ADGRV1: variants seen among roughly 807,000 people sequenced by gnomAD.
ADGRV1 encodes adhesion G protein-coupled receptor V1, also known as G-protein coupled receptor 98.
A neutral mutation model predicts 596.2 loss-of-function variants in ADGRV1; 359 were observed. That is an observed-to-expected ratio of 0.60 (90% CI 0.55 to 0.66). The LOEUF is 0.66. Among genes scored for constraint, ADGRV1 ranks in the 30% least tolerant of loss-of-function variants. The probability of loss-of-function intolerance (pLI) is 0.00; values close to 1 mark genes in which losing one functional copy is unlikely to be tolerated. For synonymous variants in ADGRV1, 2,681 were observed against 2,679.2 expected, an observed-to-expected ratio of 1.00 and a Z score of -0.02; for missense variants, 7,274 against 7,575.6, an observed-to-expected ratio of 0.96 and a Z score of 1.48.
chr5:91,139,002 C>T (rs1372390224), intron 87 of ADGRV1, among the ~76,000 whole-genome samples: 2 of 152,116 alleles, frequency 1.3e-5, no homozygotes, highest in Non-Finnish European at 2.9e-5. Flanking sequence ...AACTCCTGAC[C>T]TCAAGTGATC....
At position 90,851,150 on chromosome 5, in the gene ADGRV1, A is replaced by T. The variant is rs112709724; in HGVS notation, c.17205-2134A>T. ...GTGTGTGTGTGAGAGAGAGAGAGAG[A>T]GAGAGAGAGAGAGAGAGAATGAATC... On this transcript the variant is annotated intron_variant, in intron 79 of 89. Transcript: ENST00000405460. Among the ~76,000 whole-genome samples the T allele has an allele frequency of 7.6e-3, 947 of 125,408 alleles. 17 individuals carry two copies. The highest frequency in any genetic ancestry group is 0.024 in the African/African-American group (884 of 36,180). 82.3% of individuals were successfully genotyped at this position (125,408 alleles called of 152,430 possible).
At chr5:90,669,854 C>G (rs1174928696) in intron 21 of ADGRV1, among the ~76,000 whole-genome samples, 1 of 152,074 alleles carries the variant, frequency 6.6e-6, no homozygotes, top group Non-Finnish European at 1.5e-5. Flanking sequence ...CAAATTGTTC[C>G]CCAATATATT....
intron 86 of ADGRV1, among the ~76,000 whole-genome samples, chr5:91,080,980 G>T (rs1789310311): frequency 6.6e-6 from 1 of 151,840 alleles, no homozygotes; most frequent in African/African-American, 2.4e-5. Flanking sequence ...TCATGATTTT[G>T]CCTGGTGTAT....
At chr5:90,744,560 G>T (rs138600140) in intron 50 of ADGRV1, among the ~76,000 whole-genome samples, 9 of 152,200 alleles carry the variant, frequency 5.9e-5, no homozygotes, top group Non-Finnish European at 1.0e-4. Context: ...TGAAAACTGT[G>T]TAGAAACAGA....
At chr5:90,682,559 CTCAGCTTCCA>C (rs1219912061) in intron 27 of ADGRV1, among the ~76,000 whole-genome samples, 2 of 152,206 alleles carry the variant, frequency 1.3e-5, no homozygotes, top group Non-Finnish European at 2.9e-5. Flanking sequence ...TAGCTGCTTG[CTCAGCTTCCA>C]TACGAATAAT....
intron 54 of ADGRV1, among the ~76,000 whole-genome samples, chr5:90,754,203 A>T (rs1178645795): frequency 2.0e-5 from 3 of 152,060 alleles, no homozygotes; most frequent in African/African-American, 7.3e-5. Context: ...CAACACAATG[A>T]AATGTGTACA....
chr5:90,750,192 T>C (rs1371938298), intron 52 of ADGRV1, among the ~76,000 whole-genome samples: 2 of 152,210 alleles, frequency 1.3e-5, no homozygotes, highest in African/African-American at 4.8e-5. Context: ...TCTATATCCG[T>C]TCTCTTCTAC....
At chr5:90,971,814 T>C (rs1332520063) in intron 84 of ADGRV1, among the ~76,000 whole-genome samples, 2 of 152,148 alleles carry the variant, frequency 1.3e-5, no homozygotes, top group Non-Finnish European at 2.9e-5. Context: ...AATAATCAGC[T>C]AACATCATAA....
At chr5:90,572,238 G>C (rs1209991909) in intron 1 of ADGRV1, among the ~76,000 whole-genome samples, 1 of 152,120 alleles carries the variant, frequency 6.6e-6, no homozygotes, top group Non-Finnish European at 1.5e-5. Flanking sequence ...ATGTTGATAA[G>C]CTCTTGTTTT....
At chr5:90,570,977 T>A (rs549401062) in intron 1 of ADGRV1, among the ~76,000 whole-genome samples, 1 of 152,288 alleles carries the variant, frequency 6.6e-6, no homozygotes, top group East Asian at 1.9e-4. Context: ...TTGCTCATAT[T>A]TTCTTGTTTC....
Position 90,708,923 on chromosome 5 carries a change from C to T in ADGRV1, c.8824+14C>T, listed in dbSNP as rs1440887398. On this transcript the variant is annotated intron_variant, in intron 39 of 89. Transcript: ENST00000405460. Reference sequence around the variant, plus strand: ...CTCCCAGACTAGGTATGAGGGGTTTCTTGTTTGTTTCTTTTTGCTCACTTC... The same window carrying T: ...CTCCCAGACTAGGTATGAGGGGTTTTTTGTTTGTTTCTTTTTGCTCACTTC... The T allele has an allele frequency of 6.4e-7, 1 of 1,563,752 alleles. No individual in the cohort carries two copies. The highest frequency in any genetic ancestry group is 1.4e-5 in the African/African-American group (1 of 73,928).
At chr5:91,139,616 A>T (rs981550810) in intron 87 of ADGRV1, among the ~76,000 whole-genome samples, 2 of 152,230 alleles carry the variant, frequency 1.3e-5, no homozygotes, top group Non-Finnish European at 2.9e-5. Flanking sequence ...AAGGAAAATA[A>T]TGATTGAAGT....
chr5:90,902,927 C>G (rs1234312384), intron 83 of ADGRV1, among the ~76,000 whole-genome samples: 1 of 152,068 alleles, frequency 6.6e-6, no homozygotes, highest in Admixed American at 6.6e-5. Context: ...TGGAAAGCCA[C>G]TTTTGTGTTT....
intron 50 of ADGRV1, 141 bp from the exon 51 acceptor site, chr5:90,744,905 A>G (rs532206698): frequency 6.9e-5 from 44 of 636,194 alleles, no homozygotes; most frequent in Middle Eastern, 6.0e-4. Context: ...GTTATTTCAG[A>G]AATTGAAGTA....
intron 85 of ADGRV1, among the ~76,000 whole-genome samples, chr5:91,063,334 A>C (rs1444444166): frequency 6.6e-6 from 1 of 152,052 alleles, no homozygotes; most frequent in Admixed American, 6.6e-5. Context: ...TACAGTGTTT[A>C]CCCCAAGATA....
intron 61 of ADGRV1, 126 bp from the exon 62 acceptor site, chr5:90,777,779 G>A: frequency 1.2e-6 from 1 of 831,404 alleles, no homozygotes; most frequent in African/African-American, 1.7e-5. Flanking sequence ...TGGTAAATGA[G>A]GTTATTTAAA....
At chr5:91,031,366 G>T in intron 85 of ADGRV1, 1 of 1,189,582 alleles carries the variant, frequency 8.4e-7, no homozygotes. Flanking sequence ...TCCGCTGACG[G>T]AAGTTCATCA....
intron 83 of ADGRV1, among the ~76,000 whole-genome samples, chr5:90,960,137 C>CA (rs35383493): frequency 0.38 from 38,692 of 102,954 alleles, 6,004 homozygotes; most frequent in Non-Finnish European, 0.39. Flanking sequence ...AGACTCATCT[C>CA]AAAAAAAAAA....
intron 87 of ADGRV1, among the ~76,000 whole-genome samples, chr5:91,126,188 A>C (rs1793738923): frequency 6.6e-6 from 1 of 152,240 alleles, no homozygotes; most frequent in Non-Finnish European, 1.5e-5. Context: ...CAGAGTTCCC[A>C]GTAAATTCTT....
Sources: allele counts gnomAD v4.1 joint callset (sites outside exome capture counted in the v4.1 genomes callset), GRCh38; gene constraint gnomAD v4.1.1; transcripts MANE v1.5; gene names NCBI Gene and HGNC (gene_info 2026-07-23, HGNC 2026-07-21).